NRXN3: variants seen among roughly 807,000 people sequenced by gnomAD.
NRXN3 encodes neurexin III.
Under a neutral mutation model 137.6 loss-of-function variants are expected in NRXN3, and 32 were observed. That is an observed-to-expected ratio of 0.23 (90% CI 0.18 to 0.31). The LOEUF is 0.31. NRXN3 is among the 10% of genes least tolerant of loss of function. The probability of loss-of-function intolerance (pLI) is 1.00; values close to 1 mark genes in which losing one functional copy is unlikely to be tolerated. For synonymous variants in NRXN3, 798 were observed against 784.5 expected (o/e 1.02, Z -0.29); for missense variants, 1,574 against 2,062.5 (o/e 0.76, Z 4.59).
intron 10 of NRXN3, among the ~76,000 whole-genome samples, chr14:78,819,698 G>A (rs1426559832): frequency 6.6e-6 from 1 of 152,172 alleles, no homozygotes; most frequent in East Asian, 1.9e-4. Flanking sequence ...AAGCCAGTTA[G>A]GCCGCATAAA....
chr14:79,234,378 TTTA>T lies in NRXN3; in HGVS notation c.3263-232825_3263-232823del, dbSNP rs1309612632. On this transcript the variant is annotated intron_variant, in intron 15 of 20. Transcript: ENST00000335750. ...ATATTATATATGTATTATGTAGCTC[TTTA>T]TTATTATTATTATTATTTTTGAGAC... Among the ~76,000 whole-genome samples the T allele has an allele frequency of 1.4e-4, 19 of 139,492 alleles. No individual in the cohort carries two copies. The South Asian group carries it at 1.8e-3, about 13-fold the overall frequency. 91.5% of individuals were successfully genotyped at this position (139,492 alleles called of 152,430 possible).
intron 15 of NRXN3, among the ~76,000 whole-genome samples, chr14:79,086,218 A>G (rs1460645269): frequency 2.6e-5 from 4 of 152,154 alleles, no homozygotes; most frequent in Admixed American, 6.5e-5. Flanking sequence ...CATTTAGCCC[A>G]TCTCCTATAT....
chr14:79,410,943 G>C (rs1002424774), intron 15 of NRXN3, among the ~76,000 whole-genome samples: 1 of 152,004 alleles, frequency 6.6e-6, no homozygotes, highest in Non-Finnish European at 1.5e-5. Context: ...CAGTTTTGGG[G>C]GGGAAGATGT....
chr14:79,175,790 G>A (rs1336426719), intron 15 of NRXN3, among the ~76,000 whole-genome samples: 3 of 152,230 alleles, frequency 2.0e-5, no homozygotes, highest in African/African-American at 7.2e-5. Context: ...TCTGGGTTCT[G>A]TTGCTGGCAG....
intron 15 of NRXN3, among the ~76,000 whole-genome samples, chr14:79,439,125 C>T (rs1322370449): frequency 6.6e-6 from 1 of 152,214 alleles, no homozygotes; most frequent in Non-Finnish European, 1.5e-5. Context: ...AAACACAGCA[C>T]CTGCATGCCA....
intron 4 of NRXN3, among the ~76,000 whole-genome samples, chr14:78,368,218 T>C (rs2086269875): frequency 1.3e-5 from 2 of 152,208 alleles, no homozygotes; most frequent in Admixed American, 1.3e-4. Flanking sequence ...AAGTGAAACA[T>C]GTTTTACACA....
chr14:78,255,741 A>G (rs902154762), intron 2 of NRXN3, among the ~76,000 whole-genome samples: 5 of 152,244 alleles, frequency 3.3e-5, no homozygotes, highest in African/African-American at 1.2e-4. Flanking sequence ...GACAAAAAGC[A>G]GGTACTCAAT....
intron 15 of NRXN3, among the ~76,000 whole-genome samples, chr14:78,991,010 A>G (rs1018353359): frequency 6.6e-6 from 1 of 152,192 alleles, no homozygotes; most frequent in Admixed American, 6.5e-5. Context: ...CTATATGCTT[A>G]CCTTTGTTGA....
At chr14:78,916,381 T>G (rs948852399) in intron 10 of NRXN3, among the ~76,000 whole-genome samples, 55 of 151,780 alleles carry the variant, frequency 3.6e-4, no homozygotes, top group Non-Finnish European at 7.4e-5. Context: ...TAATGCAGAG[T>G]TTTGGTAGAA....
intron 17 of NRXN3, among the ~76,000 whole-genome samples, chr14:79,683,336 A>AAAAC (rs150265104): frequency 1.1e-4 from 16 of 152,136 alleles, no homozygotes; most frequent in African/African-American, 3.9e-4. Context: ...GGCTCATTAA[A>AAAAC]AAACAAACAA....
chr14:79,340,667 T>C (rs1031948782), intron 15 of NRXN3, among the ~76,000 whole-genome samples: 3 of 152,186 alleles, frequency 2.0e-5, no homozygotes, highest in African/African-American at 7.2e-5. Context: ...TTTCTCCATG[T>C]TTGTCAGGCT....
At chr14:79,234,990 T>C (rs1312052293) in intron 15 of NRXN3, among the ~76,000 whole-genome samples, 1 of 152,170 alleles carries the variant, frequency 6.6e-6, no homozygotes, top group East Asian at 1.9e-4. Flanking sequence ...GTTTCTCAAG[T>C]GTCTTAAAAT....
At chr14:79,715,946 C>T (rs568868311) in intron 19 of NRXN3, among the ~76,000 whole-genome samples, 13 of 152,302 alleles carry the variant, frequency 8.5e-5, no homozygotes, top group East Asian at 3.9e-4. Flanking sequence ...CTTTGGACTA[C>T]GCATTGATGC....
intron 16 of NRXN3, among the ~76,000 whole-genome samples, chr14:79,626,102 C>T (rs1219632143): frequency 1.3e-5 from 2 of 152,184 alleles, no homozygotes; most frequent in African/African-American, 2.4e-5. Flanking sequence ...AGTTCATTTT[C>T]ATGTCTCTGT....
intron 10 of NRXN3, among the ~76,000 whole-genome samples, chr14:78,831,691 CTT>C (rs1342302210): frequency 2.6e-5 from 4 of 152,050 alleles, no homozygotes; most frequent in Non-Finnish European, 5.9e-5. Context: ...TCCCAATTCA[CTT>C]TGTCTTTTGC....
At chr14:78,660,858 GT>G (rs2097834287) in intron 6 of NRXN3, among the ~76,000 whole-genome samples, 1 of 152,042 alleles carries the variant, frequency 6.6e-6, no homozygotes, top group South Asian at 2.1e-4. Context: ...TTTTACTCCT[GT>G]TTTTTGCTAA....
Position 78,323,419 on chromosome 14 carries a change from C to G in NRXN3, c.757+25559C>G, listed in dbSNP as rs536586275. On this transcript the variant is annotated intron_variant, in intron 4 of 20. Coordinates refer to ENST00000335750, the MANE Select transcript of NRXN3 (RefSeq NM_001330195.2). ...TGCATAGCTTGGGTAAGACGCAGCA[C>G]ACCTGGAGCCTCATCTGTTGAAGGG... Among the ~76,000 whole-genome samples the G allele has an allele frequency of 5.3e-4, 80 of 152,160 alleles. 2 individuals are homozygous for G. Among genetic ancestry groups the G allele is most frequent in the African/African-American group, 1.9e-3 (79 of 41,420 alleles).
At chr14:79,296,470 C>T (rs1018056682) in intron 15 of NRXN3, among the ~76,000 whole-genome samples, 1 of 150,986 alleles carries the variant, frequency 6.6e-6, no homozygotes, top group Non-Finnish European at 1.5e-5. Context: ...ACCAGATGTT[C>T]CAGAATCAGT....
At chr14:78,988,216 G>A (rs776155683) in intron 15 of NRXN3, 75 bp downstream of exon 15, 35 of 1,545,872 alleles carry the variant, frequency 2.3e-5, no homozygotes, top group Non-Finnish European at 3.1e-5. Flanking sequence ...AGGACAATAT[G>A]TAAAAGGATG....
Sources: gnomAD v4.1 joint callset for allele counts (sites outside exome capture counted in the v4.1 genomes callset) on GRCh38, gnomAD v4.1.1 for gene constraint, MANE v1.5 for transcripts, NCBI Gene and HGNC (gene_info 2026-07-23, HGNC 2026-07-21) for gene names.